HNRNPH1: variants seen among roughly 807,000 people sequenced by gnomAD.
The protein encoded by HNRNPH1 is heterogeneous nuclear ribonucleoprotein H.
In HNRNPH1, 4 loss-of-function variants were observed where a neutral mutation model predicts 58.6. That is an observed-to-expected ratio of 0.07 (90% CI 0.03 to 0.16). The LOEUF is 0.16. Ranked by LOEUF, HNRNPH1 falls within the 10% of genes least tolerant of loss-of-function variation. The probability of loss-of-function intolerance (pLI) is 1.00; values close to 1 mark genes in which losing one functional copy is unlikely to be tolerated. For missense variants in HNRNPH1, 271 were observed against 564.2 expected (o/e 0.48, Z 5.26); for synonymous variants, 192 against 189.2 (o/e 1.01, Z -0.12).
At position 179,614,784 on chromosome 5, in the gene HNRNPH1, GAAAAA is replaced by G. The variant is rs35827689; in HGVS notation, c.*171_*175del. ...ACTGTTAAACTGAAGTTTTCTTAAAGAAAAAAAAAAAAAAAAAAAAAAGGTTGACC... is the reference window on the plus strand; with the variant it reads ...ACTGTTAAACTGAAGTTTTCTTAAAGAAAAAAAAAAAAAAAAAGGTTGACC... On this transcript the variant is annotated 3_prime_UTR_variant, in exon 13 of 13. Transcript: ENST00000356731. 8.9e-3 allele frequency: 3,953 copies of G among 443,762 alleles called. 1 individual carries two copies. Among genetic ancestry groups the G allele is most frequent in the Middle Eastern group, 0.011 (16 of 1,412 alleles). 27.5% of individuals were successfully genotyped at this position (443,762 alleles called of 1,614,324 possible).
chr5:179,616,710 CA>C (rs1364857004), intron 10 of HNRNPH1, 158 bp downstream of exon 11: 13 of 659,674 alleles, frequency 2.0e-5, no homozygotes, highest in Non-Finnish European at 3.4e-5. Flanking sequence ...TCATAACTCA[CA>C]AGGATTTAAG....
At chr5:179,616,478 T>C in intron 10 of HNRNPH1, 1 of 536,908 alleles carries the variant, frequency 1.9e-6, no homozygotes, top group Non-Finnish European at 3.3e-6. Context: ...GTAGAGGCAT[T>C]TTGTGAAGAT....
upstream of HNRNPH1, among the ~76,000 whole-genome samples, chr5:179,627,089 C>T (rs570568053): frequency 1.3e-5 from 2 of 152,242 alleles, no homozygotes; most frequent in Admixed American, 6.5e-5. Flanking sequence ...CTAATGTCTT[C>T]GTATACTTCT....
chr5:179,616,142 G>A (rs1166660864), exon 11 of HNRNPH1: 1 of 1,613,764 alleles, frequency 6.2e-7, no homozygotes, highest in Non-Finnish European at 8.5e-7. Context: ...CACTCATGCT[G>A]CTCTGGCCAC....
chr5:179,614,347 T>TAAAAA (rs36119714), exon 13 of HNRNPH1: 1 of 143,934 alleles, frequency 6.9e-6, no homozygotes, highest in South Asian at 2.2e-4. Flanking sequence ...CCCATTAACT[T>TAAAAA]AAAAAAAAAA....
intron 1 of HNRNPH1, chr5:179,621,787 C>G (rs1026873608): frequency 1.9e-5 from 7 of 374,212 alleles, no homozygotes; most frequent in African/African-American, 1.5e-4. Context: ...TTTTACCTTA[C>G]CAGTAGCCAC....
At chr5:179,619,590 A>G (rs1581683591) in intron 3 of HNRNPH1, 183 bp from the exon 5 acceptor site, 1 of 520,190 alleles carries the variant, frequency 1.9e-6, no homozygotes, top group South Asian at 3.0e-5. Context: ...ATAAAGTATA[A>G]CTATTCTTAA....
At chr5:179,624,508 C>G in exon 1 of HNRNPH1, 1 of 398,772 alleles carries the variant, frequency 2.5e-6, no homozygotes, top group Non-Finnish European at 4.4e-6. Flanking sequence ...CGGGTGCGCG[C>G]CGGCCTCTGC....
At chr5:179,619,569 G>T in intron 3 of HNRNPH1, 162 bp from the exon 5 acceptor site, 1 of 562,710 alleles carries the variant, frequency 1.8e-6, no homozygotes, top group Non-Finnish European at 3.1e-6. Flanking sequence ...ATAATATGAA[G>T]TTCCATTATT....
At chr5:179,632,861 T>A (rs1449588312) in intron 2 of HNRNPH1, among the ~76,000 whole-genome samples, 1 of 137,830 alleles carries the variant, frequency 7.3e-6, no homozygotes, top group African/African-American at 2.7e-5. Flanking sequence ...ATTTTTTTTT[T>A]TTTTTTTTTT....
intron 12 of HNRNPH1, 33 bp downstream of exon 13, chr5:179,615,513 T>C (rs746255484): frequency 9.5e-6 from 11 of 1,154,854 alleles, no homozygotes; most frequent in Middle Eastern, 2.0e-4. Flanking sequence ...GTATTTGCTA[T>C]TGGGAATTTA....
At chr5:179,631,783 T>C (rs905842775) in intron 2 of HNRNPH1, among the ~76,000 whole-genome samples, 1 of 151,806 alleles carries the variant, frequency 6.6e-6, no homozygotes, top group Non-Finnish European at 1.5e-5. Context: ...CCAGGCCTGG[T>C]GGCACATGCC....
At chr5:179,619,186 TTTC>T (rs1771168781) in intron 4 of HNRNPH1, 80 bp downstream of exon 5, 4 of 1,230,016 alleles carry the variant, frequency 3.3e-6, no homozygotes, top group African/African-American at 3.0e-5. Flanking sequence ...AAAACATTAA[TTTC>T]TTCTTTTAAG....
chr5:179,629,066 G>C (rs1440224753), upstream of HNRNPH1: 1 of 148,626 alleles, frequency 6.7e-6, no homozygotes, highest in African/African-American at 2.4e-5. Context: ...GGGAGGCCGA[G>C]GTGGGCAGAT....
chr5:179,623,665 C>T (rs1475170707), exon 1 of HNRNPH1: 1 of 152,974 alleles, frequency 6.5e-6, no homozygotes, highest in Non-Finnish European at 1.5e-5. Context: ...GTGGCTAAGA[C>T]GAAATGGCCA....
intron 3 of HNRNPH1, 96 bp downstream of exon 4, chr5:179,620,796 C>G (rs1031432063): frequency 3.8e-6 from 4 of 1,047,770 alleles, no homozygotes; most frequent in Middle Eastern, 6.2e-4. Context: ...TTACAACCTA[C>G]TGAAATACCT....
chr5:179,621,989 A>G (rs1772610878), intron 1 of HNRNPH1: 4 of 456,212 alleles, frequency 8.8e-6, no homozygotes, highest in African/African-American at 8.0e-5. Context: ...AAATTCAGAT[A>G]GTAAGTCAAT....
chr5:179,619,485 T>G, intron 3 of HNRNPH1, 78 bp from the exon 5 acceptor site: 1 of 1,375,438 alleles, frequency 7.3e-7, no homozygotes, highest in Non-Finnish European at 1.0e-6. Flanking sequence ...TTCTTATAGC[T>G]TTAAATAAAC....
At position 179,619,256 on chromosome 5, in the gene HNRNPH1, C is replaced by A; in HGVS notation, c.536+13G>T. The A allele has an allele frequency of 6.3e-7, 1 of 1,593,804 alleles. No homozygotes were observed. The highest frequency in any genetic ancestry group is 8.6e-7 in the Non-Finnish European group (1 of 1,169,314). ...AAGAAAAGTGACATATCCAACCAAC[C>A]ATCCATCCCCACCTGTGCCCTATTC... On this transcript the variant is annotated intron_variant, in intron 4 of 12. Transcript: ENST00000356731.
Sources: gnomAD v4.1 joint callset for allele counts (sites outside exome capture counted in the v4.1 genomes callset) on GRCh38, gnomAD v4.1.1 for gene constraint, MANE v1.5 for transcripts, NCBI Gene and HGNC (gene_info 2026-07-23, HGNC 2026-07-21) for gene names.